Variants in MAX observed in about 807,000 individuals in gnomAD.
MAX encodes the protein MYC associated transcriptional regulator X, also known as protein max.
In MAX, 3 loss-of-function variants were observed where a neutral mutation model predicts 22.3. That is an observed-to-expected ratio of 0.13 (90% CI 0.06 to 0.35). The LOEUF is 0.35. Among genes scored for constraint, MAX ranks in the 10% least tolerant of loss-of-function variants. MAX has a pLI of 1.00. For missense variants in MAX, 119 were observed against 209.4 expected, an observed-to-expected ratio of 0.57 and a Z score of 2.66; for synonymous variants, 72 against 77.7, an observed-to-expected ratio of 0.93 and a Z score of 0.39.
At chr14:65,045,762 T>G (rs180998390) in intron 3 of MAX, among the ~76,000 whole-genome samples, 33 of 152,236 alleles carry the variant, frequency 2.2e-4, no homozygotes, top group Non-Finnish European at 2.9e-5. Context: ...GTTGTTGAGT[T>G]GTGACCATTT....
intron 3 of MAX, among the ~76,000 whole-genome samples, chr14:65,087,037 T>G (rs924374987): frequency 1.3e-5 from 2 of 152,204 alleles, no homozygotes; most frequent in African/African-American, 2.4e-5. Flanking sequence ...GGTTGCGGCT[T>G]CAGAGGGTGC....
chr14:65,053,094 G>A (rs551916971), intron 3 of MAX: 301 of 509,634 alleles, frequency 5.9e-4, no homozygotes, highest in Non-Finnish European at 8.4e-4. Context: ...AGGACATGGG[G>A]AAGATAGCAG....
intron 2 of MAX, among the ~76,000 whole-genome samples, chr14:65,095,462 A>G (rs987383568): frequency 6.6e-6 from 1 of 152,238 alleles, no homozygotes; most frequent in African/African-American, 2.4e-5. Context: ...ACTTTAGCGC[A>G]AAATTATAGA....
In MAX at chr14:65,044,406, G is replaced by A. The variant is rs779880861; in HGVS notation, c.172-38122C>T. 1 of 1,613,102 alleles carries A rather than the reference G, an allele frequency of 6.2e-7. No individual in the cohort carries two copies. The highest frequency in any genetic ancestry group is 8.5e-7 in the Non-Finnish European group (1 of 1,179,636). ...GCTGCTACTCCTTCTGGCAGGCGGG[G>A]CTCCTGCCCCTGCTCCACCGCGCAC... On this transcript the variant is annotated intron_variant, in intron 3 of 3. Transcript: ENST00000341653. This position sits in a 1 kb window ranked among gnomAD's most constrained non-coding sequence, Gnocchi z 5.5.
At chr14:65,022,699 T>C (rs1438795270) in intron 3 of MAX, among the ~76,000 whole-genome samples, 2 of 152,200 alleles carry the variant, frequency 1.3e-5, no homozygotes, top group African/African-American at 4.8e-5. Context: ...TAGTCATTTT[T>C]ACAACTCTCA....
intron 2 of MAX, among the ~76,000 whole-genome samples, chr14:65,099,116 T>C (rs1017886871): frequency 1.3e-5 from 2 of 152,124 alleles, no homozygotes; most frequent in South Asian, 4.1e-4. Flanking sequence ...CCATATTAAA[T>C]ATTGAGAAGT....
At position 65,077,665 on chromosome 14, in the gene MAX, G is replaced by A. The variant is rs1369769906; in HGVS notation, c.295+248C>T. On this transcript the variant is annotated intron_variant, in intron 4 of 4. Coordinates refer to ENST00000358664, the MANE Select transcript of MAX (RefSeq NM_002382.5). The surrounding 1 kb of genome is among the most constrained non-coding windows in gnomAD (Gnocchi z 6.3). ...GCACCTGAGCCCCAAGAAGGGGAGAGGTCAGGCCAGAAAAGATACAAGTCT... is the reference window on the plus strand; with the variant it reads ...GCACCTGAGCCCCAAGAAGGGGAGAAGTCAGGCCAGAAAAGATACAAGTCT... The A allele has an allele frequency of 8.1e-6, 12 of 1,484,586 alleles. No homozygotes were observed. The highest frequency in any genetic ancestry group is 2.8e-5 in the African/African-American group (2 of 71,890). The allele number at this position is 1,484,586 out of a possible 1,614,324, so 92.0% of individuals were successfully genotyped here. A position where few individuals can be genotyped will look rare whatever the true frequency, so the allele number is the denominator to read the frequency against.
intron 2 of MAX, among the ~76,000 whole-genome samples, chr14:65,096,026 G>T (rs2063660481): frequency 6.6e-6 from 1 of 152,168 alleles, no homozygotes; most frequent in Non-Finnish European, 1.5e-5. Context: ...CTCGGTTGGA[G>T]GATTGTAAGT....
Position 65,075,996 on chromosome 14 carries a change from A to G in MAX, c.*480T>C, listed in dbSNP as rs142514289. The G allele has an allele frequency of 9.0e-5, 98 of 1,090,358 alleles. No homozygotes were observed. The African/African-American group carries it at 1.4e-3, about 16-fold the overall frequency. 67.5% of individuals were successfully genotyped at this position (1,090,358 alleles called of 1,614,324 possible). A position where few individuals can be genotyped will look rare whatever the true frequency, so the allele number is the denominator to read the frequency against. On this transcript the variant is annotated 3_prime_UTR_variant, in exon 5 of 5. Coordinates refer to ENST00000358664, the MANE Select transcript of MAX (RefSeq NM_002382.5). The surrounding 1 kb of genome is among the most constrained non-coding windows in gnomAD (Gnocchi z 4.1). ...AAACCCTTAAAAAGGAGGAGGGTTC[A>G]TTCTGATTACTCCAAACCGGTCATC...
intron 3 of MAX, among the ~76,000 whole-genome samples, chr14:65,048,924 A>G (rs867793677): frequency 3.3e-5 from 5 of 152,134 alleles, no homozygotes; most frequent in African/African-American, 1.2e-4. Flanking sequence ...CAGGAGTTCA[A>G]GACCAGCCTG....
intron 3 of MAX, among the ~76,000 whole-genome samples, chr14:65,024,103 T>TAAA (rs557949276): frequency 1.5e-5 from 2 of 129,716 alleles, no homozygotes; most frequent in Non-Finnish European, 1.7e-5. Context: ...CTCCATCTCC[T>TAAA]AAAAAAAAAA....
Position 65,076,389 on chromosome 14 carries a change from A to G in MAX, c.*87T>C. The G allele has an allele frequency of 5.6e-6, 9 of 1,606,068 alleles. No individual in the cohort carries two copies. The highest frequency in any genetic ancestry group is 7.7e-6 in the Non-Finnish European group (9 of 1,176,236). ...AAGAGAAAAATAAAGAGTCTCTTAA[A>G]TGGTTCTGAGGGCTCTACCAACGAA... is the stretch of plus-strand genomic sequence containing the variant. On this transcript the variant is annotated 3_prime_UTR_variant, in exon 5 of 5. Transcript: ENST00000358664. The surrounding 1 kb of genome is among the most constrained non-coding windows in gnomAD (Gnocchi z 6.6).
chr14:65,099,162 C>T (rs1460549973), intron 2 of MAX, among the ~76,000 whole-genome samples: 1 of 152,004 alleles, frequency 6.6e-6, no homozygotes, highest in African/African-American at 2.4e-5. Context: ...AAAATGGAAT[C>T]CTTTTTACCC....
Position 65,077,100 on chromosome 14 carries a change from T to C in MAX, c.296-437A>G. Reference sequence around the variant, plus strand: ...AGCCAAAGAACAGTTTTGGCTTAGCTCTCGTGTACAAGATCCACTTGGAAT... The same window carrying C: ...AGCCAAAGAACAGTTTTGGCTTAGCCCTCGTGTACAAGATCCACTTGGAAT... On this transcript the variant is annotated intron_variant, in intron 4 of 4. Transcript: ENST00000358664. This position sits in a 1 kb window ranked among gnomAD's most constrained non-coding sequence, Gnocchi z 6.3. 1.7e-6 allele frequency: 1 copy of C among 586,634 alleles called. No individual in the cohort carries two copies. 36.3% of individuals were successfully genotyped at this position (586,634 alleles called of 1,614,324 possible). A position where few individuals can be genotyped will look rare whatever the true frequency, so the allele number is the denominator to read the frequency against.
intron 3 of MAX, chr14:65,015,863 T>A: frequency 8.9e-6 from 7 of 783,718 alleles, no homozygotes; most frequent in Non-Finnish European, 1.4e-5. Flanking sequence ...TCCGGCAACT[T>A]CCTGAAACTC....
chr14:65,065,404 C>A (rs571463190), intron 3 of MAX, among the ~76,000 whole-genome samples: 1 of 152,268 alleles, frequency 6.6e-6, no homozygotes, highest in East Asian at 1.9e-4. Flanking sequence ...GACGAGGATA[C>A]ACCCTGAGAA....
chr14:65,086,376 C>T lies in MAX; in HGVS notation c.171+7332G>A, dbSNP rs146387348. Among the ~76,000 whole-genome samples the T allele has an allele frequency of 5.9e-5, 9 of 152,252 alleles. No individual in the cohort carries two copies. The South Asian group carries it at 1.5e-3, about 25-fold the overall frequency. On this transcript the variant is annotated intron_variant, in intron 3 of 4. Transcript: ENST00000358664. ...ACAATTTGAAGGGCTCAGAAGAAGA[C>T]AGAAAAATGTGGGAAAGTTTCAAAC...
intron 3 of MAX, among the ~76,000 whole-genome samples, chr14:65,033,648 G>A (rs2062129590): frequency 6.6e-6 from 1 of 152,178 alleles, no homozygotes. Flanking sequence ...ATGAGGTCAG[G>A]AAATCGAGAC....
At chr14:65,065,330 A>G (rs2062920822) in intron 3 of MAX, among the ~76,000 whole-genome samples, 1 of 152,198 alleles carries the variant, frequency 6.6e-6, no homozygotes, top group South Asian at 2.1e-4. Context: ...TATATGAGAC[A>G]ATGTGAGTTG....
Sources: allele counts gnomAD v4.1 joint callset (sites outside exome capture counted in the v4.1 genomes callset), GRCh38; gene constraint gnomAD v4.1.1; non-coding constraint Gnocchi (gnomAD v3.1); transcripts MANE v1.5; gene names NCBI Gene and HGNC (gene_info 2026-07-23, HGNC 2026-07-21).